The following TSPAN10 variants were observed in gnomAD, a reference collection of about 807,000 sequenced individuals.
TSPAN10 encodes tetraspanin 10.
In TSPAN10, 11 loss-of-function variants were observed where a neutral mutation model predicts 15.0. That is an observed-to-expected ratio of 0.73 (90% CI 0.46 to 1.21). The LOEUF (loss-of-function observed/expected upper bound fraction) is 1.21, where lower values mean the gene tolerates loss of function less well. TSPAN10 is among the 50% of genes most tolerant of loss of function. The pLI, the probability that TSPAN10 is intolerant of heterozygous loss-of-function variation, is 0.00. For missense variants in TSPAN10, 486 were observed against 470.6 expected (o/e 1.03, Z -0.30); for synonymous variants, 241 against 226.2 (o/e 1.07, Z -0.59).
chr17:81,645,451 G>A (rs374329590), exon 2 of TSPAN10: 67 of 1,592,542 alleles, frequency 4.2e-5, no homozygotes, highest in African/African-American at 2.6e-4. Flanking sequence ...GCTTGAGGCC[G>A]TGGCGGGGGC....
At chr17:81,637,202 G>C (rs2036110860) in exon 1 of TSPAN10, 1 of 448,188 alleles carries the variant, frequency 2.2e-6, no homozygotes, top group South Asian at 3.7e-5. Context: ...ACCCGCCCCC[G>C]CCATCCCTGC....
upstream of TSPAN10, chr17:81,637,457 T>A (rs2036118837): frequency 1.7e-6 from 1 of 573,582 alleles, no homozygotes; most frequent in Non-Finnish European, 3.0e-6. Flanking sequence ...TCATGTTTTT[T>A]TTTTTAAGTA....
At chr17:81,641,573 A>C (rs1009135486), upstream of TSPAN10, among the ~76,000 whole-genome samples, 1 of 151,418 alleles carries the variant, frequency 6.6e-6, no homozygotes, top group Admixed American at 6.6e-5. Context: ...CCATCAGTAC[A>C]TTGCCTGCTG....
At position 81,647,884 on chromosome 17, in the gene TSPAN10, T is replaced by C; in HGVS notation, c.675-17T>C. 1 of 1,593,424 alleles carries C rather than the reference T, an allele frequency of 6.3e-7. No individual in the cohort carries two copies. Among genetic ancestry groups the C allele is most frequent in the Non-Finnish European group, 8.5e-7 (1 of 1,176,146 alleles). ...GGGCCCTCCCCGCCAGAACTGACGA[T>C]TCCATGCGCCTTGCAGGTACTTTAA... On this transcript the variant is annotated splice_polypyrimidine_tract_variant and intron_variant, in intron 2 of 2. Transcript: ENST00000611590.
chr17:81,637,380 G>A (rs2036115774), exon 1 of TSPAN10: 1 of 700,340 alleles, frequency 1.4e-6, no homozygotes, highest in African/African-American at 1.7e-5. Context: ...TGGGGAAACA[G>A]CATTCCAAAC....
chr17:81,637,201 C>T (rs2036110808), exon 1 of TSPAN10: 2 of 468,832 alleles, frequency 4.3e-6, no homozygotes, highest in African/African-American at 2.0e-5. Flanking sequence ...GACCCGCCCC[C>T]GCCATCCCTG....
intron 1 of TSPAN10, among the ~76,000 whole-genome samples, chr17:81,643,869 A>T (rs1315464818): frequency 6.6e-6 from 1 of 152,024 alleles, no homozygotes; most frequent in Non-Finnish European, 1.5e-5. Context: ...CCCAGGCTGG[A>T]GTGCAGTCAC....
In TSPAN10 at chr17:81,645,565, G is replaced by A. The variant is rs539025705; in HGVS notation, c.610G>A (p.Asp204Asn). Residue 204 changes from aspartate to asparagine, a missense_variant, in exon 2 of 3, where the codon GAC becomes AAC. Transcript: ENST00000611590. ...CGACCCAGACCTGCGCTTCCTCCTC[G>A]ACCAAGTCCAGCTCGGGCTGAGGTG... is the stretch of plus-strand genomic sequence containing the variant. 3.6e-5 allele frequency: 58 copies of A among 1,611,894 alleles called. No individual in the cohort carries two copies. Among genetic ancestry groups the A allele is most frequent in the Non-Finnish European group, 4.6e-5 (54 of 1,179,476 alleles).
chr17:81,638,056 T>TA (rs397774435), upstream of TSPAN10: 2 of 143,234 alleles, frequency 1.4e-5, no homozygotes, highest in African/African-American at 5.4e-5. Flanking sequence ...ACAGTTTTTT[T>TA]AAACTATGTT....
At chr17:81,644,853 G>A in intron 1 of TSPAN10, 139 bp from the exon 3 acceptor site, 6 of 1,245,620 alleles carry the variant, frequency 4.8e-6, no homozygotes, top group Non-Finnish European at 6.6e-6. Flanking sequence ...CCGCATCTCT[G>A]AGCTCCAGTG....
At chr17:81,639,647 C>G (rs1433426339), upstream of TSPAN10, among the ~76,000 whole-genome samples, 1 of 151,254 alleles carries the variant, frequency 6.6e-6, no homozygotes, top group African/African-American at 2.4e-5. Context: ...CCTGTCATCC[C>G]AGCGCGGTGG....
At chr17:81,646,143 G>A in intron 2 of TSPAN10, 1 of 193,156 alleles carries the variant, frequency 5.2e-6, no homozygotes, top group South Asian at 8.5e-5. Flanking sequence ...TGTAATCCCA[G>A]CACTTTGGGA....
chr17:81,637,432 G>A, upstream of TSPAN10: 1 of 691,268 alleles, frequency 1.4e-6, no homozygotes, highest in Non-Finnish European at 2.6e-6. Flanking sequence ...ATTTCAGGAA[G>A]GCAGGATCAC....
chr17:81,647,686 G>GAGGACTGCCGTGCAC, intron 2 of TSPAN10: 1 of 646,034 alleles, frequency 1.5e-6, no homozygotes, highest in Non-Finnish European at 2.8e-6. Context: ...TGCAAGCGCA[G>GAGGACTGCCGTGCAC]AGGACTGCCG....
chr17:81,647,695 C>T, intron 2 of TSPAN10: 4 of 648,086 alleles, frequency 6.2e-6, no homozygotes, highest in South Asian at 1.8e-5. Context: ...AGAGGACTGC[C>T]GTGCACAGGG....
upstream of TSPAN10, among the ~76,000 whole-genome samples, chr17:81,640,044 A>G (rs1430215444): frequency 1.3e-5 from 2 of 151,594 alleles, no homozygotes; most frequent in Non-Finnish European, 1.5e-5. Context: ...GTGCAGTGGC[A>G]CAATCGTGGC....
chr17:81,643,244 C>G (rs939993140), intron 1 of TSPAN10, among the ~76,000 whole-genome samples: 5 of 149,970 alleles, frequency 3.3e-5, no homozygotes, highest in African/African-American at 1.2e-4. Context: ...GTGATCCACC[C>G]GCCTCGGCCT....
intron 2 of TSPAN10, chr17:81,646,686 AAAAAAG>A (rs2036258514): frequency 6.6e-6 from 1 of 151,294 alleles, no homozygotes; most frequent in Admixed American, 6.6e-5. Flanking sequence ...TCTCAAAAAA[AAAAAAG>A]AAAAGAAAAT....
Position 81,644,961 on chromosome 17 carries a change from C to T in TSPAN10, c.37-31C>T, listed in dbSNP as rs374793733. ...AGTTGTCACAGAGTCTGGGTGAATG[C>T]GGTCTCACCCTGTTCCTCTTCCCTC... On this transcript the variant is annotated intron_variant, in intron 1 of 2. Transcript: ENST00000611590. 62 of 1,605,454 alleles carry T rather than the reference C, an allele frequency of 3.9e-5. No homozygotes were observed. The African/African-American group carries it at 4.0e-4, about 10-fold the overall frequency.
Sources: gnomAD v4.1 joint callset for allele counts (sites outside exome capture counted in the v4.1 genomes callset) on GRCh38, gnomAD v4.1.1 for gene constraint, MANE v1.5 for transcripts, NCBI Gene and HGNC (gene_info 2026-07-23, HGNC 2026-07-21) for gene names.